The following SLCO1A2 variants were observed in gnomAD, a reference collection of about 807,000 sequenced individuals.
SLCO1A2 encodes the protein OATP-1.
In SLCO1A2, 67 loss-of-function variants were observed where a neutral mutation model predicts 69.0. That is an observed-to-expected ratio of 0.97 (90% confidence interval 0.80 to 1.19). SLCO1A2 has a LOEUF of 1.19. SLCO1A2 is among the 50% of genes most tolerant of loss of function. The probability of loss-of-function intolerance (pLI) is 0.00; values close to 1 mark genes in which losing one functional copy is unlikely to be tolerated. For missense variants in SLCO1A2, 787 were observed against 793.7 expected (o/e 0.99, Z 0.10); for synonymous variants, 260 against 265.9 (o/e 0.98, Z 0.22).
intron 1 of SLCO1A2, among the ~76,000 whole-genome samples, chr12:21,402,677 G>T (rs1181179265): frequency 6.6e-6 from 1 of 151,998 alleles, no homozygotes; most frequent in Admixed American, 6.6e-5. Flanking sequence ...GACCTAGAGG[G>T]ATGTCCATAG....
chr12:21,361,161 C>CA (rs34241344), intron 2 of SLCO1A2, among the ~76,000 whole-genome samples: 49,100 of 151,946 alleles, frequency 0.32, 8,230 homozygotes, highest in East Asian at 0.46. Context: ...ACACCTCATA[C>CA]GGGGGATGCC....
At chr12:21,341,649 G>C (rs577652746) in intron 2 of SLCO1A2, among the ~76,000 whole-genome samples, 1 of 152,114 alleles carries the variant, frequency 6.6e-6, no homozygotes, top group South Asian at 2.1e-4. Context: ...TTCCTGACTG[G>C]AGTCACGAAA....
At chr12:21,291,725 G>T (rs1946878487) in intron 12 of SLCO1A2, among the ~76,000 whole-genome samples, 1 of 152,084 alleles carries the variant, frequency 6.6e-6, no homozygotes, top group African/African-American at 2.4e-5. Context: ...TATTATTAAA[G>T]AAAAATGGAG....
In SLCO1A2 at chr12:21,300,149, T is replaced by C. The variant is rs939339735; in HGVS notation, c.910+199A>G. 9.2e-5 allele frequency among the ~76,000 whole-genome samples: 14 copies of C among 151,726 alleles called. 1 individual carries two copies. Among genetic ancestry groups the C allele is most frequent in the African/African-American group, 3.4e-4 (14 of 41,374 alleles). ...TTTACACAAATGCTGATCTGAAATA[T>C]TTCAGCTTCCAAATTATAATATTTA... On this transcript the variant is annotated intron_variant, in intron 8 of 14. Coordinates refer to ENST00000683939, the MANE Select transcript of SLCO1A2 (RefSeq NM_001386879.1).
At chr12:21,408,710 ATG>A (rs372471425) in intron 1 of SLCO1A2, among the ~76,000 whole-genome samples, 7,399 of 106,454 alleles carry the variant, frequency 0.07, 293 homozygotes, top group African/African-American at 0.15. Flanking sequence ...GCCTCAGCGC[ATG>A]CGTGTGTGTG....
chr12:21,333,262 A>T (rs4148984), intron 2 of SLCO1A2, among the ~76,000 whole-genome samples: 1 of 151,594 alleles, frequency 6.6e-6, no homozygotes, highest in African/African-American at 2.4e-5. Context: ...CCCCTAAAAC[A>T]CATGGGTTGC....
intron 2 of SLCO1A2, among the ~76,000 whole-genome samples, chr12:21,367,108 G>A (rs976505089): frequency 6.6e-6 from 1 of 152,002 alleles, no homozygotes; most frequent in African/African-American, 2.4e-5. Context: ...CTACAGAGAG[G>A]TTTTAAACAA....
At chr12:21,392,670 G>T (rs992535638) in intron 1 of SLCO1A2, among the ~76,000 whole-genome samples, 3 of 152,102 alleles carry the variant, frequency 2.0e-5, no homozygotes, top group African/African-American at 7.2e-5. Context: ...TACACATGCT[G>T]GCAATGAGAG....
chr12:21,333,331 T>A (rs1565504717), intron 2 of SLCO1A2, among the ~76,000 whole-genome samples: 1 of 152,134 alleles, frequency 6.6e-6, no homozygotes, highest in South Asian at 2.1e-4. Context: ...CTGACTCATG[T>A]CTAGTGCTAA....
chr12:21,336,944 A>C (rs747901338), upstream of SLCO1A2, among the ~76,000 whole-genome samples: 84 of 152,032 alleles, frequency 5.5e-4, no homozygotes, highest in Non-Finnish European at 1.1e-3. Context: ...TTATTTCCCT[A>C]ACTCTTTCTC....
chr12:21,334,708 C>G lies in SLCO1A2; in HGVS notation c.-61G>C, dbSNP rs1156357447. 7 of 1,362,348 alleles carry G rather than the reference C, an allele frequency of 5.1e-6. No homozygotes were observed. In the African/African-American group the frequency reaches 1.0e-4, roughly 20 times the overall value. The allele number at this position is 1,362,348 out of a possible 1,614,324, so 84.4% of individuals were successfully genotyped here. A position where few individuals can be genotyped will look rare whatever the true frequency, so the allele number is the denominator to read the frequency against. On this transcript the variant is annotated splice_region_variant and 5_prime_UTR_variant, in exon 2 of 15. Transcript: ENST00000683939. ...TAAATCTTGATATGTCTTACTTCTA[C>G]CCTTTCAAGCAAACAAAAAAATATG... is the stretch of plus-strand genomic sequence containing the variant.
At chr12:21,375,374 T>A (rs1940116092) in intron 1 of SLCO1A2, among the ~76,000 whole-genome samples, 1 of 152,218 alleles carries the variant, frequency 6.6e-6, no homozygotes, top group Non-Finnish European at 1.5e-5. Context: ...CTATTCTACA[T>A]ATCTCACAGA....
At position 21,387,608 on chromosome 12, in the gene SLCO1A2, A is replaced by G. The variant is rs1417217161; in HGVS notation, c.-190+7298T>C. On this transcript the variant is annotated intron_variant, in intron 1 of 15. Coordinates refer to the SLCO1A2 transcript ENST00000307378. ...TGGGAACCTCCACCTAGATTTCAGA[A>G]GATGTGTGGAAACACCTGGATGTCC... Among the ~76,000 whole-genome samples the G allele has an allele frequency of 2.6e-5, 4 of 152,346 alleles. No individual in the cohort carries two copies. The East Asian group carries it at 7.7e-4, about 29-fold the overall frequency.
intron 1 of SLCO1A2, among the ~76,000 whole-genome samples, chr12:21,375,841 G>A (rs1940155422): frequency 1.3e-5 from 2 of 152,202 alleles, no homozygotes; most frequent in Admixed American, 6.5e-5. Flanking sequence ...GTATGTGCCT[G>A]TAAGTGGTCT....
At chr12:21,305,372 A>G (rs777185282) in intron 5 of SLCO1A2, among the ~76,000 whole-genome samples, 13 of 152,242 alleles carry the variant, frequency 8.5e-5, no homozygotes, top group Non-Finnish European at 1.5e-4. Flanking sequence ...TCTGAAGGAC[A>G]ATGCACTCTC....
At chr12:21,368,470 ATT>A (rs35001636) in intron 2 of SLCO1A2, among the ~76,000 whole-genome samples, 2 of 148,766 alleles carry the variant, frequency 1.3e-5, no homozygotes, top group African/African-American at 2.5e-5. Context: ...AACCAGTTAA[ATT>A]TTTTTTTTTG....
At chr12:21,297,335 G>C in intron 9 of SLCO1A2, 69 bp downstream of exon 9, 6 of 1,192,068 alleles carry the variant, frequency 5.0e-6, no homozygotes, top group Non-Finnish European at 6.8e-6. Context: ...TTAGGAGTTT[G>C]CTACACCCGC....
chr12:21,413,229 T>C (rs1456286271), intron 1 of SLCO1A2, among the ~76,000 whole-genome samples: 1 of 115,642 alleles, frequency 8.6e-6, no homozygotes, highest in Non-Finnish European at 1.8e-5. Context: ...TCTTTTCTTT[T>C]TCTTTTTCTT....
At chr12:21,299,846 A>G (rs1948401592) in intron 8 of SLCO1A2, among the ~76,000 whole-genome samples, 1 of 140,882 alleles carries the variant, frequency 7.1e-6, no homozygotes, top group Admixed American at 7.4e-5. Flanking sequence ...ATGTGTATAT[A>G]TATACGTGTA....
Sources: allele counts gnomAD v4.1 joint callset (sites outside exome capture counted in the v4.1 genomes callset), GRCh38; gene constraint gnomAD v4.1.1; transcripts MANE v1.5; gene names NCBI Gene and HGNC (gene_info 2026-07-23, HGNC 2026-07-21).